Variants in NRF1 observed in about 807,000 individuals in gnomAD.
NRF1 encodes nuclear respiratory factor 1.
In NRF1, 5 loss-of-function variants were observed where a neutral mutation model predicts 58.5. The ratio of observed to expected loss-of-function variants is 0.09; its 90% CI spans 0.04 to 0.18. The LOEUF (loss-of-function observed/expected upper bound fraction) is 0.18, where lower values mean the gene tolerates loss of function less well. Ranked by LOEUF, NRF1 falls within the 10% of genes least tolerant of loss-of-function variation. The probability of loss-of-function intolerance (pLI) is 1.00; values close to 1 mark genes in which losing one functional copy is unlikely to be tolerated. For synonymous variants in NRF1, 224 were observed against 246.7 expected, an observed-to-expected ratio of 0.91 and a Z score of 0.86; for missense variants, 288 against 657.7, an observed-to-expected ratio of 0.44 and a Z score of 6.15.
chr7:129,682,429 G>T (rs1454659071), intron 4 of NRF1, among the ~76,000 whole-genome samples: 2 of 151,280 alleles, frequency 1.3e-5, no homozygotes, highest in Non-Finnish European at 1.5e-5. Context: ...CTGCACTCTA[G>T]CCTGGATGAC....
chr7:129,675,972 G>A (rs1802168356), intron 3 of NRF1, among the ~76,000 whole-genome samples: 1 of 152,204 alleles, frequency 6.6e-6, no homozygotes, highest in South Asian at 2.1e-4. Flanking sequence ...GTTGTTTAGT[G>A]TAGCCACTTA....
chr7:129,645,188 T>C (rs1349618837), intron 1 of NRF1, among the ~76,000 whole-genome samples: 1 of 152,230 alleles, frequency 6.6e-6, no homozygotes, highest in Non-Finnish European at 1.5e-5. Flanking sequence ...CAAATAGTAA[T>C]TCATTTTGTC....
chr7:129,700,351 T>C (rs938364085), intron 5 of NRF1, among the ~76,000 whole-genome samples: 6 of 152,176 alleles, frequency 3.9e-5, no homozygotes, highest in African/African-American at 1.4e-4. Flanking sequence ...CCTAGGGAAC[T>C]TAAAATCCTA....
rs1263978145 is a variant in NRF1, at chr7:129,727,271, G to T, written c.1254G>T (p.Leu418=). The T allele has an allele frequency of 7.5e-6, 12 of 1,603,952 alleles. No homozygotes were observed. The Admixed American group carries it at 1.9e-4, about 26-fold the overall frequency. The stretch of plus-strand genomic sequence containing the variant: ...CTGCCGCCCATGCTGTCGCCACCCT[G>T]GCTGAGGCCACCTTACAAGGTGGGG... ...SEAAAHAVAT[L]AEATLQGGGQ... The change falls in exon 10 of 11, where the codon CTG becomes CTT. Residue 418 remains leucine (L), a synonymous_variant. Transcript: ENST00000393232.
intron 1 of NRF1, among the ~76,000 whole-genome samples, chr7:129,622,887 A>G (rs542103228): frequency 5.3e-5 from 8 of 152,314 alleles, no homozygotes; most frequent in Non-Finnish European, 1.2e-4. Flanking sequence ...ATATTTTTCT[A>G]AGCACACATG....
chr7:129,628,020 A>G (rs1249545311), intron 1 of NRF1, among the ~76,000 whole-genome samples: 2 of 145,094 alleles, frequency 1.4e-5, no homozygotes, highest in East Asian at 2.0e-4. Flanking sequence ...TTACTGTACT[A>G]TAAGCCAATG....
At chr7:129,705,669 A>G (rs1203601942) in intron 5 of NRF1, among the ~76,000 whole-genome samples, 1 of 152,152 alleles carries the variant, frequency 6.6e-6, no homozygotes, top group Non-Finnish European at 1.5e-5. Flanking sequence ...AAATCCCAGC[A>G]CTTTGGGTGG....
chr7:129,686,764 T>G (rs567025551), intron 4 of NRF1, among the ~76,000 whole-genome samples: 5 of 152,328 alleles, frequency 3.3e-5, no homozygotes, highest in South Asian at 2.1e-4. Flanking sequence ...AAGTGGTTGT[T>G]TACCTTAGTT....
chr7:129,619,803 G>A (rs1800752795), intron 1 of NRF1, among the ~76,000 whole-genome samples: 1 of 135,900 alleles, frequency 7.4e-6, no homozygotes, highest in Non-Finnish European at 1.6e-5. Flanking sequence ...CATTTGAGTT[G>A]ACAGTGTCTT....
At chr7:129,739,254 A>G (rs1803792410) in intron 10 of NRF1, among the ~76,000 whole-genome samples, 1 of 152,254 alleles carries the variant, frequency 6.6e-6, no homozygotes, top group Admixed American at 6.5e-5. Context: ...CTGAATAGCC[A>G]CATACGCCCT....
intron 1 of NRF1, among the ~76,000 whole-genome samples, chr7:129,651,342 C>T (rs1801529836): frequency 1.3e-5 from 2 of 151,252 alleles, no homozygotes; most frequent in South Asian, 4.2e-4. Flanking sequence ...ATTGCTTGAA[C>T]CCAGGAGGCA....
At chr7:129,613,579 CA>C (rs1232184058) in intron 1 of NRF1, among the ~76,000 whole-genome samples, 4 of 150,142 alleles carry the variant, frequency 2.7e-5, no homozygotes, top group Non-Finnish European at 4.4e-5. Flanking sequence ...GGCCCATGAC[CA>C]AAAAAAACAA....
chr7:129,648,790 C>T (rs1358109476), intron 1 of NRF1, among the ~76,000 whole-genome samples: 3 of 152,100 alleles, frequency 2.0e-5, no homozygotes, highest in Admixed American at 2.0e-4. Flanking sequence ...TTCTGTCAGC[C>T]TTATCTTTGC....
At chr7:129,648,381 G>T (rs113238247) in intron 1 of NRF1, among the ~76,000 whole-genome samples, 1 of 146,484 alleles carries the variant, frequency 6.8e-6, no homozygotes, top group Admixed American at 7.1e-5. Flanking sequence ...CCGGGTTCAC[G>T]CCATTCTCCT....
At chr7:129,615,464 AAATC>A (rs879737605) in intron 1 of NRF1, among the ~76,000 whole-genome samples, 2 of 152,238 alleles carry the variant, frequency 1.3e-5, no homozygotes, top group Admixed American at 6.5e-5. Context: ...AGTATTTGGA[AAATC>A]AATCTTAAAA....
intron 3 of NRF1, among the ~76,000 whole-genome samples, chr7:129,675,179 T>C (rs762833313): frequency 1.2e-4 from 18 of 152,252 alleles, no homozygotes; most frequent in Non-Finnish European, 2.1e-4. Context: ...ATTGGAATTT[T>C]ATCATGATAT....
intron 1 of NRF1, among the ~76,000 whole-genome samples, chr7:129,636,381 T>C (rs2151064831): frequency 6.6e-6 from 1 of 152,194 alleles, no homozygotes; most frequent in East Asian, 1.9e-4. Flanking sequence ...ATTACAGGTG[T>C]GTGCCCCACA....
chr7:129,626,655 A>G (rs976684647), intron 1 of NRF1, among the ~76,000 whole-genome samples: 3 of 152,214 alleles, frequency 2.0e-5, no homozygotes, highest in African/African-American at 7.2e-5. Flanking sequence ...AAACTTACCT[A>G]CTTTGGTGCT....
chr7:129,702,952 G>T (rs1206280628), intron 5 of NRF1, among the ~76,000 whole-genome samples: 1 of 152,176 alleles, frequency 6.6e-6, no homozygotes, highest in East Asian at 1.9e-4. Context: ...AGGGTATTTG[G>T]AGGATGTGTA....
Sources: gnomAD v4.1 joint callset for allele counts (sites outside exome capture counted in the v4.1 genomes callset) on GRCh38, gnomAD v4.1.1 for gene constraint, MANE v1.5 for transcripts, NCBI Gene and HGNC (gene_info 2026-07-23, HGNC 2026-07-21) for gene names.